Variants in CENPE observed in about 807,000 individuals in gnomAD.
The protein encoded by CENPE is centromere-associated protein E.
A neutral mutation model predicts 336.1 loss-of-function variants in CENPE; 145 were observed. The observed-to-expected ratio is 0.43, with a 90% CI of 0.38 to 0.50. The LOEUF (loss-of-function observed/expected upper bound fraction) is 0.50. Among genes scored for constraint, CENPE ranks in the 20% least tolerant of loss-of-function variants. The pLI, the probability that CENPE is intolerant of heterozygous loss-of-function variation, is 0.00. For missense variants in CENPE, 2,719 were observed against 3,023.3 expected, an observed-to-expected ratio of 0.90 and a Z score of 2.36; for synonymous variants, 1,013 against 984.8, an observed-to-expected ratio of 1.03 and a Z score of -0.54.
chr4:103,141,939 G>T, intron 34 of CENPE, 31 bp from the exon 35 acceptor site: 2 of 1,340,470 alleles, frequency 1.5e-6, no homozygotes, highest in Non-Finnish European at 2.1e-6. Flanking sequence ...TAAAAACAGT[G>T]ACATATCTTA....
chr4:103,161,363 C>A lies in CENPE; in HGVS notation c.1937G>T (p.Ser646Ile), dbSNP rs769159238. The A allele has an allele frequency of 3.7e-6, 6 of 1,611,756 alleles. No homozygotes were observed. The highest frequency in any genetic ancestry group is 5.1e-6 in the Non-Finnish European group (6 of 1,179,024). The change falls in exon 19 of 49, where the codon AGT becomes ATT. Residue 646 changes from serine (S) to isoleucine (I), a missense_variant. Around this residue, in one of 5 missense-constraint regions of CENPE, gnomAD observed 2,437 missense variants for 2,513.3 expected, o/e 0.97. Coordinates refer to ENST00000265148, the MANE Select transcript of CENPE (RefSeq NM_001813.3). ...TTTCTCCTTCAGCTCCAGATTTTCA[C>A]TTCTAAGAAAGGCTGATTCTCTCTT... is the stretch of plus-strand genomic sequence containing the variant. ...DAKRESAFLRSENLELKEKMK... is the reference protein window; with the variant it reads ...DAKRESAFLRIENLELKEKMK...
In CENPE at chr4:103,137,171, C is replaced by A. The variant is rs140843765; in HGVS notation, c.6304-812G>T. The stretch of plus-strand genomic sequence containing the variant: ...AATTTACTAGCTGTGTAACCTTGGG[C>A]AACTGCTAAACTTCCTTTCTGAGGA... On this transcript the variant is annotated intron_variant, in intron 39 of 48. Coordinates refer to ENST00000265148, the MANE Select transcript of CENPE (RefSeq NM_001813.3). 9.4e-5 allele frequency among the ~76,000 whole-genome samples: 14 copies of A among 148,260 alleles called. No individual in the cohort carries two copies. The East Asian group carries it at 2.4e-3, about 25-fold the overall frequency.
intron 42 of CENPE, among the ~76,000 whole-genome samples, chr4:103,131,662 T>C (rs146428077): frequency 2.6e-5 from 4 of 152,342 alleles, no homozygotes; most frequent in Admixed American, 6.5e-5. Context: ...TGTATGTTTA[T>C]AGCAGCTGAA....
At chr4:103,144,770 T>C (rs1752869974) in intron 32 of CENPE, 152 bp from the exon 33 acceptor site, 2 of 640,258 alleles carry the variant, frequency 3.1e-6, no homozygotes, top group Non-Finnish European at 5.2e-6. Flanking sequence ...TAATTAGATG[T>C]CATTTTCCAA....
At chr4:103,109,316 T>G (rs1172275274) in intron 47 of CENPE, among the ~76,000 whole-genome samples, 1 of 152,162 alleles carries the variant, frequency 6.6e-6, no homozygotes, top group Non-Finnish European at 1.5e-5. Context: ...TATAGTAAGT[T>G]TCCATGATCA....
chr4:103,182,728 C>T, intron 11 of CENPE, 34 bp downstream of exon 11: 1 of 1,533,206 alleles, frequency 6.5e-7, no homozygotes, highest in Non-Finnish European at 8.8e-7. Context: ...GCTGATCTTC[C>T]CCTATATTAA....
chr4:103,193,042 C>T (rs536555001), intron 8 of CENPE, among the ~76,000 whole-genome samples: 1 of 151,618 alleles, frequency 6.6e-6, no homozygotes, highest in African/African-American at 2.4e-5. Context: ...CAGAAAAGAG[C>T]CACCTCTAAA....
chr4:103,154,890 G>C (rs1375099955), intron 24 of CENPE, among the ~76,000 whole-genome samples: 4 of 152,156 alleles, frequency 2.6e-5, no homozygotes, highest in Non-Finnish European at 5.9e-5. Flanking sequence ...CTAAAAATGA[G>C]CATTCCAAGG....
In CENPE at chr4:103,144,332, CTA is replaced by C; in HGVS notation, c.5142_5143del (p.Asp1716ProfsTer22). The C allele has an allele frequency of 1.3e-6, 2 of 1,597,744 alleles. No individual in the cohort carries two copies. Among genetic ancestry groups the C allele is most frequent in the Non-Finnish European group, 1.7e-6 (2 of 1,174,542 alleles). ...AGGTGTAGAGAGATGGTAACTCACT[CTA>C]GTTATAGTTTCTCTAAGGTTTTCCT... is the stretch of plus-strand genomic sequence containing the variant. On this transcript the variant is annotated frameshift_variant and splice_region_variant, in exon 33 of 49. Transcript: ENST00000265148. LOFTEE classifies it high-confidence loss of function.
chr4:103,143,223 C>T, intron 34 of CENPE, 25 bp downstream of exon 34: 1 of 1,530,940 alleles, frequency 6.5e-7, no homozygotes, highest in East Asian at 2.3e-5. Flanking sequence ...CTCTCAGTAA[C>T]TGAGATAACT....
chr4:103,183,953 G>A (rs1246947955), intron 9 of CENPE, among the ~76,000 whole-genome samples: 1 of 152,002 alleles, frequency 6.6e-6, no homozygotes, highest in Admixed American at 6.6e-5. Flanking sequence ...GGTAAACACT[G>A]ATCTTTTTCA....
intron 6 of CENPE, 29 bp from the exon 7 acceptor site, chr4:103,194,470 A>AT (rs1179217518): frequency 6.5e-7 from 1 of 1,526,758 alleles, no homozygotes; most frequent in African/African-American, 1.4e-5. Context: ...TTTCAGCTGC[A>AT]TATATAATAA....
intron 16 of CENPE, among the ~76,000 whole-genome samples, chr4:103,172,549 A>G (rs1014419518): frequency 6.6e-6 from 1 of 152,072 alleles, no homozygotes; most frequent in African/African-American, 2.4e-5. Flanking sequence ...CAGGATAAGG[A>G]TGTTCCCTTT....
intron 42 of CENPE, among the ~76,000 whole-genome samples, chr4:103,126,207 T>G (rs1279064865): frequency 6.6e-6 from 1 of 152,134 alleles, no homozygotes; most frequent in African/African-American, 2.4e-5. Context: ...TCATCACAGT[T>G]AATATTGGAG....
chr4:103,187,492 T>C (rs935070271), intron 8 of CENPE, among the ~76,000 whole-genome samples: 1 of 152,182 alleles, frequency 6.6e-6, no homozygotes, highest in African/African-American at 2.4e-5. Flanking sequence ...GGGGCCAATA[T>C]TCAACATTCT....
At position 103,141,737 on chromosome 4, in the gene CENPE, C is replaced by G. The variant is rs948268978; in HGVS notation, c.5463+13G>C. 6.7e-7 allele frequency: 1 copy of G among 1,492,758 alleles called. No homozygotes were observed. The allele number at this position is 1,492,758 out of a possible 1,614,324, so 92.5% of individuals were successfully genotyped here. A position where few individuals can be genotyped will look rare whatever the true frequency, so the allele number is the denominator to read the frequency against. ...ATTAGATATCCAATCAAACAATCCC[C>G]CCATAAAAATACCTTTTCTTGTAAT... is the stretch of plus-strand genomic sequence containing the variant. On this transcript the variant is annotated intron_variant, in intron 35 of 48. Transcript: ENST00000265148.
chr4:103,182,771 A>T lies in CENPE; in HGVS notation c.954T>A (p.Thr318=), dbSNP rs1290386558. ...ITPVSFDETL[T]ALQFASTAKY... Reference sequence around the variant, plus strand: ...TAAAAATCAAACTCACCTGGAGAGCAGTAAGTGTTTCATCAAAAGATACTG... The same window carrying T: ...TAAAAATCAAACTCACCTGGAGAGCTGTAAGTGTTTCATCAAAAGATACTG... The change falls in exon 11 of 49, where the codon ACT becomes ACA. Residue 318 remains threonine, a synonymous_variant. Coordinates refer to ENST00000265148, the MANE Select transcript of CENPE (RefSeq NM_001813.3). 1 of 1,609,474 alleles carries T rather than the reference A, an allele frequency of 6.2e-7. No individual in the cohort carries two copies. Among genetic ancestry groups the T allele is most frequent in the Non-Finnish European group, 8.5e-7 (1 of 1,177,704 alleles).
At chr4:103,184,442 A>G (rs998118855) in intron 9 of CENPE, among the ~76,000 whole-genome samples, 20 of 152,222 alleles carry the variant, frequency 1.3e-4, no homozygotes, top group Admixed American at 1.2e-3. Context: ...CAGTTACAAA[A>G]GGGTTTTCCC....
Position 103,176,049 on chromosome 4 carries a change from C to A in CENPE, c.1391-1G>T. 1 of 1,559,988 alleles carries A rather than the reference C, an allele frequency of 6.4e-7. No individual in the cohort carries two copies. Among genetic ancestry groups the A allele is most frequent in the South Asian group, 1.2e-5 (1 of 82,498 alleles). ...AAAACATCAGACTCTGAACAGACAG[C>A]TATAATTAGAGAAAAAAAAAATTTG... On this transcript the variant is annotated splice_acceptor_variant, in intron 14 of 48. Transcript: ENST00000265148. LOFTEE classifies it high-confidence loss of function.
Sources: gnomAD v4.1 joint callset for allele counts (sites outside exome capture counted in the v4.1 genomes callset) on GRCh38, gnomAD v4.1.1 for gene constraint, gnomAD v4.1.1 regional missense constraint, MANE v1.5 for transcripts, NCBI Gene and HGNC (gene_info 2026-07-23, HGNC 2026-07-21) for gene names.